CSMD3: variants seen among roughly 807,000 people sequenced by gnomAD.
CSMD3 encodes CUB and Sushi multiple domains 3, also known as CUB and sushi domain-containing protein 3.
Under a neutral mutation model 435.2 loss-of-function variants are expected in CSMD3, and 177 were observed. The observed-to-expected ratio is 0.41, with a 90% CI of 0.36 to 0.46. CSMD3 has a LOEUF of 0.46. CSMD3 is among the 20% of genes least tolerant of loss of function. CSMD3 has a pLI of 0.34. For missense variants in CSMD3, 4,265 were observed against 4,504.6 expected (o/e 0.95, Z 1.52); for synonymous variants, 1,656 against 1,520.5 (o/e 1.09, Z -2.07).
Position 113,199,673 on chromosome 8 carries a change from T to C in CSMD3, c.515-25757A>G, listed in dbSNP as rs552848072. Among the ~76,000 whole-genome samples, 11 of 151,918 alleles carry C rather than the reference T, an allele frequency of 7.2e-5. No homozygotes were observed. In the South Asian group the frequency reaches 2.3e-3, roughly 32 times the overall value. On this transcript the variant is annotated intron_variant, in intron 3 of 70. Coordinates refer to ENST00000297405, the MANE Select transcript of CSMD3 (RefSeq NM_198123.2). ...AGAGGCCCAAAGACATTGAGCAGCC[T>C]GCTGAAAGCCACAACATTAATAAAT... is the stretch of plus-strand genomic sequence containing the variant.
rs774289316 is a variant in CSMD3 at position 113,098,790 on chromosome 8, A to T, written c.883T>A (p.Leu295Ile). The change falls in exon 5 of 71, where the codon TTA (leucine) becomes ATA (isoleucine). Residue 295 changes from leucine to isoleucine, a missense_variant. Physicochemically the swap from Leu to Ile is conservative, Grantham distance 5. This residue lies in a region of CSMD3 where 731 missense variants were observed against 755.4 expected (regional missense o/e 0.97). Transcript: ENST00000297405. ...GGTGGCTCAGAACCTTCTATTTCTA[A>T]GTAATCATATTTCTCTTCCATTTGA... is the stretch of plus-strand genomic sequence containing the variant. ...DFQMEEKYDY[L>I]EIEGSEPPTI... 1 of 1,612,372 alleles carries T rather than the reference A, an allele frequency of 6.2e-7. No individual in the cohort carries two copies. The highest frequency in any genetic ancestry group is 8.5e-7 in the Non-Finnish European group (1 of 1,178,716).
At chr8:113,016,787 C>T (rs1463512718) in intron 6 of CSMD3, among the ~76,000 whole-genome samples, 1 of 151,890 alleles carries the variant, frequency 6.6e-6, no homozygotes, top group South Asian at 2.1e-4. Context: ...GCATCGTTAC[C>T]ATTTCATGAT....
intron 45 of CSMD3, among the ~76,000 whole-genome samples, chr8:112,334,624 A>T (rs1824391233): frequency 6.6e-6 from 1 of 152,228 alleles, no homozygotes; most frequent in South Asian, 2.1e-4. Context: ...TTATAGATAA[A>T]TAGCCATTTT....
intron 6 of CSMD3, among the ~76,000 whole-genome samples, chr8:113,000,190 G>A (rs992152702): frequency 6.6e-6 from 1 of 151,998 alleles, no homozygotes; most frequent in African/African-American, 2.4e-5. Flanking sequence ...TTCAGAAAGT[G>A]TTTCAAGAAA....
At chr8:112,440,538 C>A (rs1298510554) in intron 32 of CSMD3, among the ~76,000 whole-genome samples, 2 of 152,138 alleles carry the variant, frequency 1.3e-5, no homozygotes, top group African/African-American at 4.8e-5. Flanking sequence ...TACTCTGTGT[C>A]GGTGCTCAGA....
chr8:113,393,061 G>A (rs1366700468), intron 1 of CSMD3, among the ~76,000 whole-genome samples: 1 of 151,136 alleles, frequency 6.6e-6, no homozygotes, highest in African/African-American at 2.4e-5. Context: ...TCTGATTTAT[G>A]GCACAATTTA....
chr8:112,327,942 T>C (rs1333825297), intron 45 of CSMD3, among the ~76,000 whole-genome samples: 1 of 152,216 alleles, frequency 6.6e-6, no homozygotes, highest in Non-Finnish European at 1.5e-5. Flanking sequence ...GCTGCATGTA[T>C]CTACTTCTAT....
rs148965362 is a variant in CSMD3 at position 112,902,288 on chromosome 8, C to A, written c.1633+19339G>T. On this transcript the variant is annotated intron_variant, in intron 10 of 70. Coordinates refer to ENST00000297405, the MANE Select transcript of CSMD3 (RefSeq NM_198123.2). ...AGTGTCTGACCCATAGTTATTGTGA[C>A]TCCCTAGCTTGATATGATCAAAGGG... Among the ~76,000 whole-genome samples the A allele has an allele frequency of 2.8e-3, 431 of 151,296 alleles. 1 individual carries two copies. The highest frequency in any genetic ancestry group is 0.01 in the African/African-American group (414 of 41,384).
chr8:112,953,553 C>A (rs376394871), intron 8 of CSMD3, among the ~76,000 whole-genome samples: 1 of 151,340 alleles, frequency 6.6e-6, no homozygotes, highest in East Asian at 1.9e-4. Flanking sequence ...CTAGTGATAT[C>A]TCTTCTGGTT....
chr8:112,839,521 T>A (rs1029003576), intron 11 of CSMD3, among the ~76,000 whole-genome samples: 9 of 151,820 alleles, frequency 5.9e-5, no homozygotes, highest in Non-Finnish European at 1.3e-4. Context: ...TTTACAGATT[T>A]TGAAGAAAAT....
intron 14 of CSMD3, among the ~76,000 whole-genome samples, 161 bp from the exon 15 acceptor site, chr8:112,685,893 T>G (rs1586966249): frequency 1.3e-5 from 2 of 152,178 alleles, no homozygotes; most frequent in Admixed American, 1.3e-4. Context: ...TTTTTACATA[T>G]TGAAAAAGGC....
At chr8:113,350,320 C>T (rs2132906263) in intron 1 of CSMD3, among the ~76,000 whole-genome samples, 1 of 152,144 alleles carries the variant, frequency 6.6e-6, no homozygotes, top group South Asian at 2.1e-4. Flanking sequence ...TAAGGAACTA[C>T]CGTAAAATAG....
chr8:112,387,465 ATG>A (rs34034900), intron 36 of CSMD3, among the ~76,000 whole-genome samples: 28,238 of 144,044 alleles, frequency 0.2, 2,838 homozygotes, highest in East Asian at 0.37. Flanking sequence ...GTCATATATT[ATG>A]TGTGTGTGTG....
intron 10 of CSMD3, among the ~76,000 whole-genome samples, chr8:112,921,243 A>G (rs1298261782): frequency 6.6e-6 from 1 of 152,050 alleles, no homozygotes; most frequent in Non-Finnish European, 1.5e-5. Context: ...ACTGCTACCA[A>G]GTATTGTAGA....
intron 5 of CSMD3, among the ~76,000 whole-genome samples, chr8:113,091,425 T>G (rs1158350303): frequency 6.6e-6 from 1 of 152,136 alleles, no homozygotes; most frequent in Non-Finnish European, 1.5e-5. Context: ...GGAAAACTTT[T>G]TATTATATCT....
At chr8:113,421,653 C>T (rs554792922) in intron 1 of CSMD3, among the ~76,000 whole-genome samples, 1 of 152,178 alleles carries the variant, frequency 6.6e-6, no homozygotes, top group South Asian at 2.1e-4. Context: ...GGATTCGGAA[C>T]CAAGGTCTCC....
chr8:113,213,241 G>A (rs1257925368), intron 3 of CSMD3, among the ~76,000 whole-genome samples: 1 of 152,032 alleles, frequency 6.6e-6, no homozygotes, highest in African/African-American at 2.4e-5. Flanking sequence ...AATATCAACT[G>A]TTCTCAAGTA....
intron 4 of CSMD3, among the ~76,000 whole-genome samples, chr8:113,127,739 A>G (rs1201347385): frequency 6.6e-6 from 1 of 152,072 alleles, no homozygotes; most frequent in Non-Finnish European, 1.5e-5. Flanking sequence ...TAATTAAAAC[A>G]TGTTACTCCC....
intron 22 of CSMD3, among the ~76,000 whole-genome samples, chr8:112,601,976 A>G (rs997878316): frequency 1.3e-5 from 2 of 152,190 alleles, no homozygotes; most frequent in Non-Finnish European, 2.9e-5. Flanking sequence ...AACGTTAATA[A>G]AGTTCTCTAG....
Sources: allele counts gnomAD v4.1 joint callset (sites outside exome capture counted in the v4.1 genomes callset), GRCh38; gene constraint gnomAD v4.1.1; regional missense constraint gnomAD v4.1.1; transcripts MANE v1.5; gene names NCBI Gene and HGNC (gene_info 2026-07-23, HGNC 2026-07-21).